Variants in HPSE2 observed in about 807,000 individuals in gnomAD.
HPSE2 encodes the protein heparanase 2 (inactive), also known as inactive heparanase-2.
Under a neutral mutation model 60.5 loss-of-function variants are expected in HPSE2, and 38 were observed. The ratio of observed to expected loss-of-function variants is 0.63; its 90% CI spans 0.48 to 0.82. The LOEUF (loss-of-function observed/expected upper bound fraction) is 0.82, where lower values mean the gene tolerates loss of function less well. HPSE2 is among the 40% of genes least tolerant of loss of function. The pLI, the probability that HPSE2 is intolerant of heterozygous loss-of-function variation, is 0.00. For missense variants in HPSE2, 713 were observed against 740.4 expected, an observed-to-expected ratio of 0.96 and a Z score of 0.43; for synonymous variants, 295 against 293.2, an observed-to-expected ratio of 1.01 and a Z score of -0.06.
intron 5 of HPSE2, among the ~76,000 whole-genome samples, chr10:98,719,513 G>A (rs922360602): frequency 5.9e-5 from 9 of 151,778 alleles, no homozygotes; most frequent in African/African-American, 1.9e-4. Context: ...AGGTATAAAA[G>A]AGTAGGGTAT....
chr10:98,875,906 T>C (rs943704339), intron 3 of HPSE2, among the ~76,000 whole-genome samples: 1 of 151,920 alleles, frequency 6.6e-6, no homozygotes, highest in Non-Finnish European at 1.5e-5. Context: ...GTTTACAGAG[T>C]AATATACTAC....
At chr10:98,716,446 T>TAAA (rs1554974942) in intron 5 of HPSE2, among the ~76,000 whole-genome samples, 31 of 145,094 alleles carry the variant, frequency 2.1e-4, no homozygotes, top group African/African-American at 8.1e-4. Context: ...TAATAAAAAA[T>TAAA]AAATAAATAA....
At chr10:98,649,229 C>G (rs1435447975) in intron 6 of HPSE2, among the ~76,000 whole-genome samples, 2 of 151,960 alleles carry the variant, frequency 1.3e-5, no homozygotes, top group Non-Finnish European at 1.5e-5. Flanking sequence ...CACAACTGAA[C>G]TATAATTAAG....
chr10:98,763,509 C>T (rs1173564403), intron 3 of HPSE2, among the ~76,000 whole-genome samples: 14 of 96,058 alleles, frequency 1.5e-4, no homozygotes, highest in Admixed American at 1.4e-3. Context: ...TTTAAATGAT[C>T]ATGTACTTCT....
intron 5 of HPSE2, among the ~76,000 whole-genome samples, chr10:98,707,634 T>G (rs1948580007): frequency 6.6e-6 from 1 of 152,152 alleles, no homozygotes; most frequent in African/African-American, 2.4e-5. Context: ...ATCCATAATA[T>G]CTATAATTAA....
At chr10:98,559,406 T>C (rs1944106813) in intron 9 of HPSE2, among the ~76,000 whole-genome samples, 1 of 152,050 alleles carries the variant, frequency 6.6e-6, no homozygotes, top group African/African-American at 2.4e-5. Context: ...TTTCCTTCTG[T>C]CCTCTATTCT....
chr10:98,796,389 A>G (rs531728278), intron 3 of HPSE2, among the ~76,000 whole-genome samples: 24 of 152,208 alleles, frequency 1.6e-4, no homozygotes, highest in Non-Finnish European at 3.5e-4. Context: ...GCCTGGCAGA[A>G]CCTCCCATGG....
chr10:98,457,317 C>G lies in HPSE2; in HGVS notation c.*2257G>C, dbSNP rs1396532932. 6.6e-6 allele frequency: 1 copy of G among 152,240 alleles called. No individual in the cohort carries two copies. The highest frequency in any genetic ancestry group is 2.4e-5 in the African/African-American group (1 of 41,460). The allele number at this position is 152,240 out of a possible 1,614,324, so 9.4% of individuals were successfully genotyped here. ...AAGGAGGTGTCTGGACCTGTGGAGC[C>G]GCTGAGCCTTGTGGCTGAGTGGGCA... On this transcript the variant is annotated 3_prime_UTR_variant, in exon 12 of 12. Coordinates refer to ENST00000370552, the MANE Select transcript of HPSE2 (RefSeq NM_021828.5).
rs1409372583 is a variant in HPSE2 at position 99,013,121 on chromosome 10, C to T, written c.610+131117G>A. The T allele has an allele frequency of 4.5e-6, 3 of 666,072 alleles. No homozygotes were observed. The East Asian group carries it at 1.0e-4, about 22-fold the overall frequency. The allele number at this position is 666,072 out of a possible 1,614,324, so 41.3% of individuals were successfully genotyped here. A position where few individuals can be genotyped will look rare whatever the true frequency, so the allele number is the denominator to read the frequency against. On this transcript the variant is annotated intron_variant, in intron 3 of 11. Coordinates refer to ENST00000370552, the MANE Select transcript of HPSE2 (RefSeq NM_021828.5). ...GAGATAATCTAATCTTAAGTCGTGACATTAACCATTCAAGTCCTTGGCACA... is the reference window on the plus strand; with the variant it reads ...GAGATAATCTAATCTTAAGTCGTGATATTAACCATTCAAGTCCTTGGCACA...
At chr10:99,078,468 G>A (rs532498702) in intron 3 of HPSE2, among the ~76,000 whole-genome samples, 33 of 152,112 alleles carry the variant, frequency 2.2e-4, no homozygotes, top group Non-Finnish European at 4.0e-4. Flanking sequence ...TAAATGCTAT[G>A]TAGACAGTTG....
At chr10:98,895,258 C>T (rs1953453129) in intron 3 of HPSE2, among the ~76,000 whole-genome samples, 1 of 151,962 alleles carries the variant, frequency 6.6e-6, no homozygotes, top group Non-Finnish European at 1.5e-5. Flanking sequence ...AAAAAAATAG[C>T]ATATAGAAAA....
intron 3 of HPSE2, among the ~76,000 whole-genome samples, chr10:98,830,214 T>C (rs1388185698): frequency 3.3e-5 from 5 of 152,146 alleles, no homozygotes; most frequent in Non-Finnish European, 7.3e-5. Context: ...GCATATGCAG[T>C]CCCTGTGTTA....
chr10:98,958,705 C>T (rs1262735468), intron 3 of HPSE2, among the ~76,000 whole-genome samples: 1 of 152,068 alleles, frequency 6.6e-6, no homozygotes, highest in African/African-American at 2.4e-5. Context: ...CCTAACTAAA[C>T]CCTGTGCTCT....
intron 3 of HPSE2, among the ~76,000 whole-genome samples, chr10:99,075,585 T>G (rs1167841722): frequency 1.3e-5 from 2 of 152,158 alleles, no homozygotes; most frequent in African/African-American, 4.8e-5. Flanking sequence ...CCTTATTGAT[T>G]TCTATCTGGA....
intron 9 of HPSE2, among the ~76,000 whole-genome samples, chr10:98,503,853 T>C (rs988537420): frequency 6.6e-6 from 1 of 152,110 alleles, no homozygotes; most frequent in Admixed American, 6.6e-5. Flanking sequence ...CTTTGGGGAC[T>C]TGGTGGGAAG....
intron 3 of HPSE2, among the ~76,000 whole-genome samples, chr10:99,003,398 T>C (rs1343418797): frequency 2.0e-5 from 3 of 152,108 alleles, no homozygotes; most frequent in Admixed American, 6.5e-5. Context: ...GATAGTTCTA[T>C]CTTCAGTTTT....
Position 98,749,947 on chromosome 10 carries a change from T to TATATATATATATATACACACACAC in HPSE2, c.611-5892_611-5891insGTGTGTGTGTATATATATATATAT. On this transcript the variant is annotated intron_variant, in intron 3 of 11. Transcript: ENST00000370552. Reference sequence around the variant, plus strand: ...ATTAAACACTATATATATATATATATACACACACACTTACACACACATTTA... The same window carrying TATATATATATATATACACACACAC: ...ATTAAACACTATATATATATATATATATATATATATATATACACACACACACACACACACTTACACACACATTTA... 9.3e-3 allele frequency among the ~76,000 whole-genome samples: 913 copies of TATATATATATATATACACACACAC among 98,420 alleles called. 20 individuals carry two copies. Among genetic ancestry groups the TATATATATATATATACACACACAC allele is most frequent in the East Asian group, 0.041 (144 of 3,520 alleles). The allele number at this position is 98,420 out of a possible 152,430, so 64.6% of individuals were successfully genotyped here. A position where few individuals can be genotyped will look rare whatever the true frequency, so the allele number is the denominator to read the frequency against.
intron 3 of HPSE2, among the ~76,000 whole-genome samples, chr10:99,021,581 T>A (rs1430571387): frequency 3.3e-5 from 5 of 151,860 alleles, no homozygotes; most frequent in African/African-American, 7.3e-5. Context: ...AAAAAAAAAA[T>A]ACATAAATGT....
chr10:98,685,282 C>A (rs928986461), intron 6 of HPSE2, among the ~76,000 whole-genome samples: 2 of 152,098 alleles, frequency 1.3e-5, no homozygotes, highest in Admixed American at 1.3e-4. Context: ...TGCAATTTTA[C>A]ATATGATGAG....
Sources: allele counts gnomAD v4.1 joint callset (sites outside exome capture counted in the v4.1 genomes callset), GRCh38; gene constraint gnomAD v4.1.1; transcripts MANE v1.5; gene names NCBI Gene and HGNC (gene_info 2026-07-23, HGNC 2026-07-21).